ENOX1: variants seen among roughly 807,000 people sequenced by gnomAD.
ENOX1 encodes candidate growth-related and time keeping constitutive hydroquinone (NADH) oxidase.
A neutral mutation model predicts 82.5 loss-of-function variants in ENOX1; 42 were observed. The ratio of observed to expected loss-of-function variants is 0.51; its 90% CI spans 0.40 to 0.66. The LOEUF is 0.66. ENOX1 is among the 30% of genes least tolerant of loss of function. ENOX1 has a pLI of 0.00. For synonymous variants in ENOX1, 271 were observed against 282.2 expected, an observed-to-expected ratio of 0.96 and a Z score of 0.40; for missense variants, 608 against 811.6, an observed-to-expected ratio of 0.75 and a Z score of 3.05.
At chr13:43,421,628 A>G (rs1468062131) in intron 3 of ENOX1, among the ~76,000 whole-genome samples, 1 of 152,160 alleles carries the variant, frequency 6.6e-6, no homozygotes, top group Non-Finnish European at 1.5e-5. Context: ...CAGAAAGATA[A>G]AGGAGATATA....
intron 9 of ENOX1, among the ~76,000 whole-genome samples, chr13:43,339,159 T>C (rs2048913838): frequency 1.3e-5 from 2 of 152,222 alleles, no homozygotes; most frequent in African/African-American, 2.4e-5. Flanking sequence ...GGGTAACTGA[T>C]GGACTTTGAT....
At chr13:43,370,489 C>T (rs1467855567) in intron 5 of ENOX1, among the ~76,000 whole-genome samples, 1 of 152,160 alleles carries the variant, frequency 6.6e-6, no homozygotes, top group Non-Finnish European at 1.5e-5. Flanking sequence ...CAGGGATGTA[C>T]ACAGGGTTAC....
intron 3 of ENOX1, among the ~76,000 whole-genome samples, chr13:43,452,306 A>G (rs981927682): frequency 6.6e-6 from 1 of 151,742 alleles, no homozygotes; most frequent in Non-Finnish European, 1.5e-5. Flanking sequence ...GGTGTGTGAT[A>G]TTCCCCTCCC....
chr13:43,396,054 C>A (rs996983995), intron 5 of ENOX1, among the ~76,000 whole-genome samples: 1 of 152,228 alleles, frequency 6.6e-6, no homozygotes, highest in African/African-American at 2.4e-5. Context: ...AAAATCTCTA[C>A]TTGTGCTGCT....
At chr13:43,740,652 C>A (rs2153826573) in intron 1 of ENOX1, among the ~76,000 whole-genome samples, 1 of 152,092 alleles carries the variant, frequency 6.6e-6, no homozygotes, top group Admixed American at 6.6e-5. Flanking sequence ...CCTTGTTACT[C>A]CAAAAAGAAA....
chr13:43,762,079 G>A (rs1042077830), intron 1 of ENOX1, among the ~76,000 whole-genome samples: 1 of 152,172 alleles, frequency 6.6e-6, no homozygotes, highest in Non-Finnish European at 1.5e-5. Flanking sequence ...TGTCTTGAGG[G>A]ATAGCTCAGT....
intron 1 of ENOX1, among the ~76,000 whole-genome samples, chr13:43,765,313 T>A (rs1951203966): frequency 6.6e-6 from 1 of 152,150 alleles, no homozygotes; most frequent in Non-Finnish European, 1.5e-5. Flanking sequence ...CCAAGCCTCA[T>A]CTTCCTGTAC....
At chr13:43,658,504 A>G (rs1212611819) in intron 2 of ENOX1, among the ~76,000 whole-genome samples, 2 of 152,132 alleles carry the variant, frequency 1.3e-5, no homozygotes, top group African/African-American at 4.8e-5. Context: ...TTCTATGATT[A>G]TATCTCATTT....
intron 3 of ENOX1, among the ~76,000 whole-genome samples, chr13:43,446,819 GCCCAT>G (rs1236031395): frequency 6.6e-6 from 1 of 152,158 alleles, no homozygotes; most frequent in Admixed American, 6.5e-5. Flanking sequence ...CAGTCTCCAT[GCCCAT>G]CCTGGGGGCA....
intron 2 of ENOX1, among the ~76,000 whole-genome samples, chr13:43,598,407 A>C (rs1364429247): frequency 2.0e-5 from 3 of 152,292 alleles, no homozygotes; most frequent in African/African-American, 7.2e-5. Flanking sequence ...CCTATCCTCA[A>C]GCAGATTGAA....
intron 3 of ENOX1, among the ~76,000 whole-genome samples, chr13:43,449,872 T>G (rs1300106598): frequency 6.6e-6 from 1 of 152,196 alleles, no homozygotes. Flanking sequence ...TGGCAGCAGT[T>G]ATTTCTATCT....
chr13:43,718,666 G>C (rs1050363659), intron 1 of ENOX1, among the ~76,000 whole-genome samples: 16 of 48,482 alleles, frequency 3.3e-4, no homozygotes, highest in Non-Finnish European at 5.4e-4. Flanking sequence ...GACAAAGCAA[G>C]ACTCCGTCTC....
Position 43,412,906 on chromosome 13 carries a change from AT to A in ENOX1, c.8del (p.Asp3ValfsTer18), listed in dbSNP as rs1416331664. MV[D>X]AGGVENITQL... ...GGGTGATGTTCTCAACTCCACCTGC[AT>A]CTACCATTGAATTATGAGTGTCCAG... On this transcript the variant is annotated frameshift_variant, in exon 4 of 17. Coordinates refer to ENST00000690772, the MANE Select transcript of ENOX1 (RefSeq NM_001347969.2). LOFTEE classifies it high-confidence loss of function. 1 of 1,614,100 alleles carries A rather than the reference AT, an allele frequency of 6.2e-7. No homozygotes were observed.
At chr13:43,489,694 C>T (rs928215462) in intron 2 of ENOX1, among the ~76,000 whole-genome samples, 1 of 152,116 alleles carries the variant, frequency 6.6e-6, no homozygotes, top group Admixed American at 6.5e-5. Flanking sequence ...AACTCCAGCC[C>T]GCGAGAGCTG....
intron 12 of ENOX1, among the ~76,000 whole-genome samples, chr13:43,290,201 C>T (rs149215357): frequency 3.6e-4 from 55 of 152,242 alleles, no homozygotes; most frequent in Middle Eastern, 3.4e-3. Flanking sequence ...AGCTATCATT[C>T]GACCCAGCAA....
chr13:43,597,053 C>T lies in ENOX1; in HGVS notation c.-219+70426G>A, dbSNP rs1482830765. Among the ~76,000 whole-genome samples the T allele has an allele frequency of 4.6e-5, 7 of 152,220 alleles. No individual in the cohort carries two copies. In the East Asian group the frequency reaches 5.8e-4, roughly 13 times the overall value. ...GGAGACCTCAGGAAACTTACAATCACGTCAGAAGGCGAAGGGGAAGAAAGC... is the reference window on the plus strand; with the variant it reads ...GGAGACCTCAGGAAACTTACAATCATGTCAGAAGGCGAAGGGGAAGAAAGC... On this transcript the variant is annotated intron_variant, in intron 2 of 16. Coordinates refer to ENST00000690772, the MANE Select transcript of ENOX1 (RefSeq NM_001347969.2).
At chr13:43,387,847 G>A (rs889648702) in intron 5 of ENOX1, among the ~76,000 whole-genome samples, 1 of 151,944 alleles carries the variant, frequency 6.6e-6, no homozygotes, top group Non-Finnish European at 1.5e-5. Flanking sequence ...TACATAACTG[G>A]TGTTTTCGAA....
At chr13:43,475,129 A>T (rs929014123) in intron 3 of ENOX1, among the ~76,000 whole-genome samples, 2 of 152,210 alleles carry the variant, frequency 1.3e-5, no homozygotes, top group African/African-American at 4.8e-5. Flanking sequence ...CCATCAGCAG[A>T]TCTATCATTA....
chr13:43,257,412 A>G (rs370725602), intron 14 of ENOX1, among the ~76,000 whole-genome samples: 1 of 152,338 alleles, frequency 6.6e-6, no homozygotes, highest in East Asian at 1.9e-4. Context: ...AAATACGTAC[A>G]TCTATTATGC....
Sources: allele counts gnomAD v4.1 joint callset (sites outside exome capture counted in the v4.1 genomes callset), GRCh38; gene constraint gnomAD v4.1.1; transcripts MANE v1.5; gene names NCBI Gene and HGNC (gene_info 2026-07-23, HGNC 2026-07-21).